Variants in LRP10 observed in about 807,000 individuals in gnomAD.
LRP10 encodes the protein LDL receptor related protein 10.
LRP10 carries 42 observed loss-of-function variants against 58.5 expected under a neutral mutation model. The observed-to-expected ratio is 0.72, with a 90% CI of 0.56 to 0.93. The LOEUF is 0.93. Among genes scored for constraint, LRP10 ranks in the 40% least tolerant of loss-of-function variants. The pLI, the probability that LRP10 is intolerant of heterozygous loss-of-function variation, is 0.00. For synonymous variants in LRP10, 377 were observed against 388.5 expected, an observed-to-expected ratio of 0.97 and a Z score of 0.35; for missense variants, 872 against 940.1, an observed-to-expected ratio of 0.93 and a Z score of 0.95.
At chr14:22,872,700 G>C (rs1303259415) in intron 1 of LRP10, 38 bp from the exon 2 acceptor site, 11 of 1,608,254 alleles carry the variant, frequency 6.8e-6, no homozygotes, top group Non-Finnish European at 9.4e-6. Context: ...CTCCTAAGGA[G>C]TGTCTCACGC....
At position 22,876,772 on chromosome 14, in the gene LRP10, G is replaced by A; in HGVS notation, c.1508G>A (p.Gly503Asp). Residue 503 changes from glycine to aspartate, a missense_variant, in exon 6 of 7, where the codon GGT (glycine) becomes GAT (aspartate). By Grantham distance (94) the Gly-to-Asp change is moderately conservative. Coordinates refer to ENST00000359591, the MANE Select transcript of LRP10 (RefSeq NM_014045.5). ...TCCTACGGGCAGCTCATTGCCCAGG[G>A]TGCCATCCCACCTGTAGAAGACTTT... The part of the protein sequence containing the change: ...PPSYGQLIAQ[G>D]AIPPVEDFPT... 1.2e-6 allele frequency: 2 copies of A among 1,613,794 alleles called. No homozygotes were observed. Among genetic ancestry groups the A allele is most frequent in the Non-Finnish European group, 8.5e-7 (1 of 1,179,882 alleles).
Position 22,877,244 on chromosome 14 carries a change from C to G in LRP10, c.1859C>G (p.Ala620Gly). 6.2e-7 allele frequency: 1 copy of G among 1,607,256 alleles called. No homozygotes were observed. Among genetic ancestry groups the G allele is most frequent in the Non-Finnish European group, 8.5e-7 (1 of 1,176,584 alleles). ...GEQAPPLPIK[A>G]PLPSASTSPA... is the part of the protein sequence containing the mutation. ...CAGGCACCCCCACTGCCCATCAAGG[C>G]TCCCCTCCCATCTGCTAGCACGTCT... The change falls in exon 7 of 7, where the codon GCT (alanine) becomes GGT (glycine). Residue 620 changes from alanine (A) to glycine (G), a missense_variant. Coordinates refer to ENST00000359591, the MANE Select transcript of LRP10 (RefSeq NM_014045.5). This position sits in a 1 kb window ranked among gnomAD's most constrained non-coding sequence, Gnocchi z 5.1.
At position 22,872,059 on chromosome 14, in the gene LRP10, A is replaced by T; in HGVS notation, c.-245A>T. ...GGGCTTCAGGAGCCGGCCCCGGGAG[A>T]GAAGAGTGCGGCGGCGGACGGAGAA... On this transcript the variant is annotated 5_prime_UTR_variant, in exon 1 of 7. Transcript: ENST00000359591. 1 of 583,170 alleles carries T rather than the reference A, an allele frequency of 1.7e-6. No individual in the cohort carries two copies. Among genetic ancestry groups the T allele is most frequent in the African/African-American group, 1.9e-5 (1 of 51,886 alleles). 36.1% of individuals were successfully genotyped at this position (583,170 alleles called of 1,614,324 possible).
chr14:22,875,443 T>C lies in LRP10; in HGVS notation c.495T>C (p.Cys165=). The part of the protein sequence containing the change: ...AVQRCDGVDA[C]GDGSDEAGCS... ...AGCGCTGTGATGGGGTTGATGCCTG[T>C]GGCGATGGCTCTGATGAAGCAGGTT... The change falls in exon 5 of 7, where the codon TGT becomes TGC. Residue 165 remains cysteine, a synonymous_variant. Coordinates refer to ENST00000359591, the MANE Select transcript of LRP10 (RefSeq NM_014045.5). The C allele has an allele frequency of 6.2e-7, 1 of 1,614,206 alleles. No individual in the cohort carries two copies. The highest frequency in any genetic ancestry group is 8.5e-7 in the Non-Finnish European group (1 of 1,180,032).
chr14:22,873,286 C>G lies in LRP10; in HGVS notation c.80-25C>G, dbSNP rs761961211. 3.1e-6 allele frequency: 5 copies of G among 1,606,110 alleles called. No homozygotes were observed. The South Asian group carries it at 4.4e-5, about 14-fold the overall frequency. On this transcript the variant is annotated intron_variant, in intron 2 of 6. Transcript: ENST00000359591. ...GGGATGCAAAGGGGCTGTCTACTACCCGTGTCCTACCTTCCTCTCTCCAGC... is the reference window on the plus strand; with the variant it reads ...GGGATGCAAAGGGGCTGTCTACTACGCGTGTCCTACCTTCCTCTCTCCAGC...
Position 22,878,935 on chromosome 14 carries a change from G to A in LRP10, c.*1408G>A. 3.5e-6 allele frequency: 1 copy of A among 283,026 alleles called. No homozygotes were observed. The highest frequency in any genetic ancestry group is 3.1e-5 in the South Asian group (1 of 32,634). 17.5% of individuals were successfully genotyped at this position (283,026 alleles called of 1,614,324 possible). ...AAGGAAGATCGAGGCAGAAGATGTA[G>A]AAGGAAGCTGTGGGGGTGGGAGTGA... On this transcript the variant is annotated 3_prime_UTR_variant, in exon 7 of 7. Transcript: ENST00000359591.
intron 4 of LRP10, 36 bp from the exon 5 acceptor site, chr14:22,875,319 G>A (rs1427709402): frequency 2.5e-6 from 4 of 1,592,946 alleles, no homozygotes; most frequent in Non-Finnish European, 3.4e-6. Context: ...TGAGGGTTCT[G>A]GTGCTTCACA....
chr14:22,879,908 G>GA lies in LRP10; in HGVS notation c.*2388dup, dbSNP rs1192551113. 1 of 152,012 alleles carries GA rather than the reference G, an allele frequency of 6.6e-6. No individual in the cohort carries two copies. The highest frequency in any genetic ancestry group is 1.5e-5 in the Non-Finnish European group (1 of 67,988). The allele number at this position is 152,012 out of a possible 1,614,324, so 9.4% of individuals were successfully genotyped here. On this transcript the variant is annotated 3_prime_UTR_variant, in exon 7 of 7. Transcript: ENST00000359591. The stretch of plus-strand genomic sequence containing the variant: ...CAGGTTTATTTCCACCAGGGCCCAA[G>GA]AAAAAAAGAAATGAGGCAACCTAAA...
intron 2 of LRP10, 64 bp downstream of exon 2, chr14:22,872,846 C>A (rs1429962949): frequency 1.3e-6 from 2 of 1,527,494 alleles, no homozygotes; most frequent in African/African-American, 1.4e-5. Flanking sequence ...GAGAAGGACT[C>A]TCTGTTCCCT....
chr14:22,872,075 G>C lies in LRP10; in HGVS notation c.-229G>C. On this transcript the variant is annotated 5_prime_UTR_variant, in exon 1 of 7. Transcript: ENST00000359591. ...CCCCGGGAGAGAAGAGTGCGGCGGC[G>C]GACGGAGAAAACAACTCCAAAGTTG... 1.7e-6 allele frequency: 1 copy of C among 590,324 alleles called. No homozygotes were observed. Among genetic ancestry groups the C allele is most frequent in the Middle Eastern group, 4.5e-4 (1 of 2,216 alleles). 36.6% of individuals were successfully genotyped at this position (590,324 alleles called of 1,614,324 possible).
Position 22,873,360 on chromosome 14 carries a change from G to A in LRP10, c.129G>A (p.Gln43=). ...TCTTAGAAGTGCAGGGCACCTTACAGAGGCCCCTGGTCCGGGACAGCCGCA... is the reference window on the plus strand; with the variant it reads ...TCTTAGAAGTGCAGGGCACCTTACAAAGGCCCCTGGTCCGGGACAGCCGCA... The part of the protein sequence containing the change: ...AVLLEVQGTL[Q]RPLVRDSRTS... Residue 43 remains glutamine (Q), a synonymous_variant, in exon 3 of 7, where the codon CAG becomes CAA. Coordinates refer to ENST00000359591, the MANE Select transcript of LRP10 (RefSeq NM_014045.5). 1 of 1,614,146 alleles carries A rather than the reference G, an allele frequency of 6.2e-7. No individual in the cohort carries two copies. The highest frequency in any genetic ancestry group is 1.3e-5 in the African/African-American group (1 of 75,024).
At position 22,876,334 on chromosome 14, in the gene LRP10, C is replaced by T. The variant is rs770506397; in HGVS notation, c.1386C>T (p.Cys462=). The change falls in exon 5 of 7, where the codon TGC becomes TGT. Residue 462 remains cysteine, a synonymous_variant. Transcript: ENST00000359591. The stretch of plus-strand genomic sequence containing the variant: ...TGCTCCTGGTCATCGCCCTGGGCTG[C>T]ACCTGCAAGCTCTATGCCATTCGCA... ...CGLLLVIALG[C]TCKLYAIRTQ... is the part of the protein sequence containing the mutation. The T allele has an allele frequency of 6.2e-7, 1 of 1,614,064 alleles. No homozygotes were observed.
Position 22,876,948 on chromosome 14 carries a change from G to T in LRP10, c.1563G>T (p.Val521=). The T allele has an allele frequency of 6.3e-7, 1 of 1,586,232 alleles. No individual in the cohort carries two copies. Among genetic ancestry groups the T allele is most frequent in the South Asian group, 1.1e-5 (1 of 87,240 alleles). Residue 521 remains valine (V), a synonymous_variant, in exon 7 of 7, where the codon GTG becomes GTT. Transcript: ENST00000359591. ...TCCTCATTTCCTTGCAGAACTCAGT[G>T]CTGGGCAACCTGCGTTCTCTGCTAC... ...FPTENPNDNS[V]LGNLRSLLQI...
At chr14:22,876,394 A>T in intron 5 of LRP10, 22 bp downstream of exon 5, 1 of 1,608,960 alleles carries the variant, frequency 6.2e-7, no homozygotes, top group Non-Finnish European at 8.5e-7. Flanking sequence ...TGGGGCTGGC[A>T]GTAGAAGAGT....
At chr14:22,874,535 C>A (rs780112742) in intron 3 of LRP10, among the ~76,000 whole-genome samples, 2 of 152,126 alleles carry the variant, frequency 1.3e-5, no homozygotes, top group African/African-American at 2.4e-5. Flanking sequence ...GGTCTCATGG[C>A]GATACCATGA....
chr14:22,879,989 C>T lies in LRP10; in HGVS notation c.*2462C>T, dbSNP rs1198998896. On this transcript the variant is annotated 3_prime_UTR_variant, in exon 7 of 7. Coordinates refer to ENST00000359591, the MANE Select transcript of LRP10 (RefSeq NM_014045.5). ...GTGCTTGGTCTTAGCGGTGTGGGAC[C>T]CACGTTAAGGCTCTTGGTGGGAAGG... is the stretch of plus-strand genomic sequence containing the variant. 1 of 152,074 alleles carries T rather than the reference C, an allele frequency of 6.6e-6. No individual in the cohort carries two copies. The highest frequency in any genetic ancestry group is 2.4e-5 in the African/African-American group (1 of 41,382). 9.4% of individuals were successfully genotyped at this position (152,074 alleles called of 1,614,324 possible).
In LRP10 at chr14:22,877,125, CCAGGT is replaced by C; in HGVS notation, c.1743_1747del (p.Gln581HisfsTer8). On this transcript the variant is annotated frameshift_variant, in exon 7 of 7. Transcript: ENST00000359591. LOFTEE classifies it high-confidence loss of function. The surrounding 1 kb of genome is among the most constrained non-coding windows in gnomAD (Gnocchi z 5.1). ...CGGCTCGGGCCTCTGAGGCCAGATCCCAGGTCACACCTTCTGCTGCTCCCCTTGAG... is the reference window on the plus strand; with the variant it reads ...CGGCTCGGGCCTCTGAGGCCAGATCCCACACCTTCTGCTGCTCCCCTTGAG... The C allele has an allele frequency of 6.2e-7, 1 of 1,612,100 alleles. No homozygotes were observed. Among genetic ancestry groups the C allele is most frequent in the South Asian group, 1.1e-5 (1 of 90,820 alleles).
Position 22,881,133 on chromosome 14 carries a change from C to G in LRP10, c.*3606C>G, listed in dbSNP as rs561181341. The G allele has an allele frequency of 1.3e-5, 2 of 152,318 alleles. No homozygotes were observed. The highest frequency in any genetic ancestry group is 4.8e-5 in the African/African-American group (2 of 41,572). 9.4% of individuals were successfully genotyped at this position (152,318 alleles called of 1,614,324 possible). On this transcript the variant is annotated 3_prime_UTR_variant, in exon 7 of 7. Coordinates refer to ENST00000359591, the MANE Select transcript of LRP10 (RefSeq NM_014045.5). ...AGCTCAGGAGGAGCTTTAGGGAAATCAGAAGACTGGCCCAGTCTCTACCAA... is the reference window on the plus strand; with the variant it reads ...AGCTCAGGAGGAGCTTTAGGGAAATGAGAAGACTGGCCCAGTCTCTACCAA...
intron 3 of LRP10, among the ~76,000 whole-genome samples, chr14:22,874,454 A>G (rs2039982450): frequency 6.6e-6 from 1 of 152,236 alleles, no homozygotes; most frequent in Non-Finnish European, 1.5e-5. Context: ...ACTGGAATGC[A>G]GTGCACCTCT....
Sources: gnomAD v4.1 joint callset for allele counts (sites outside exome capture counted in the v4.1 genomes callset) on GRCh38, gnomAD v4.1.1 for gene constraint, Gnocchi (gnomAD v3.1) non-coding constraint, MANE v1.5 for transcripts, NCBI Gene and HGNC (gene_info 2026-07-23, HGNC 2026-07-21) for gene names.